The following MET variants were observed in gnomAD, a reference collection of about 807,000 sequenced individuals.
MET encodes the protein MET proto-oncogene, receptor tyrosine kinase.
In MET, 48 loss-of-function variants were observed where a neutral mutation model predicts 133.1. The ratio of observed to expected loss-of-function variants is 0.36; its 90% confidence interval spans 0.29 to 0.46. The LOEUF is 0.46. Ranked by LOEUF, MET falls within the 20% of genes least tolerant of loss-of-function variation. The pLI, the probability that MET is intolerant of heterozygous loss-of-function variation, is 1.00. For missense variants in MET, 1,442 were observed against 1,695.9 expected (o/e 0.85, Z 2.63); for synonymous variants, 628 against 616.5 (o/e 1.02, Z -0.28).
chr7:116,774,419 G>A (rs1288736024), intron 14 of MET, among the ~76,000 whole-genome samples: 3 of 152,208 alleles, frequency 2.0e-5, no homozygotes, highest in Non-Finnish European at 4.4e-5. Context: ...CTAATCATAT[G>A]TGTATTTTTC....
intron 2 of MET, among the ~76,000 whole-genome samples, chr7:116,716,467 GAGAAAGAAAGAAAGAAAGAAAGAA>G (rs531059164): frequency 0.016 from 1,703 of 108,256 alleles, 17 homozygotes; most frequent in African/African-American, 0.018. Context: ...AAGAAAGAAA[GAGAAAGAAAGAAAGAAAGAAAGAA>G]AGAAAGAAAG....
chr7:116,779,937 A>G (rs942002767), intron 17 of MET, among the ~76,000 whole-genome samples: 11 of 152,166 alleles, frequency 7.2e-5, no homozygotes, highest in African/African-American at 2.7e-4. Context: ...ATAAACAAAT[A>G]AACAATAGCT....
intron 1 of MET, among the ~76,000 whole-genome samples, chr7:116,678,846 T>G (rs1796250404): frequency 6.6e-6 from 1 of 152,170 alleles, no homozygotes; most frequent in African/African-American, 2.4e-5. Flanking sequence ...ACTCACAAAC[T>G]GTATGTCCCT....
rs2117114419 is a variant in MET at position 116,796,130 on chromosome 7, G to A, written c.*6G>A. ...CCTTCTGGGAGACATCATAGTGCTA[G>A]TACTATGTCAAAGCAACAGTCCACA... On this transcript the variant is annotated 3_prime_UTR_variant, in exon 21 of 21. Transcript: ENST00000397752. 2 of 1,612,160 alleles carry A rather than the reference G, an allele frequency of 1.2e-6. No homozygotes were observed. The highest frequency in any genetic ancestry group is 2.2e-5 in the South Asian group (2 of 91,056).
intron 6 of MET, among the ~76,000 whole-genome samples, chr7:116,756,735 GACAT>G (rs1250227693): frequency 1.3e-5 from 2 of 152,242 alleles, no homozygotes; most frequent in East Asian, 3.9e-4. Context: ...TGTACCTGTT[GACAT>G]ACTTTAATGA....
Position 116,731,885 on chromosome 7 carries a change from G to A in MET, c.1392+26G>A, listed in dbSNP as rs1455089355. On this transcript the variant is annotated intron_variant, in intron 3 of 20. Coordinates refer to ENST00000397752, the MANE Select transcript of MET (RefSeq NM_000245.4). The stretch of plus-strand genomic sequence containing the variant: ...GTAAGTGCTTTCTGAGAGTAGCTGT[G>A]TCTGTTCTATCTGGTATTGTGCAAT... 4 of 1,609,206 alleles carry A rather than the reference G, an allele frequency of 2.5e-6. No individual in the cohort carries two copies. In the East Asian group the frequency reaches 8.9e-5, roughly 36 times the overall value.
At chr7:116,723,768 G>C (rs1218108482) in intron 2 of MET, among the ~76,000 whole-genome samples, 2 of 151,310 alleles carry the variant, frequency 1.3e-5, no homozygotes, top group Admixed American at 1.3e-4. Flanking sequence ...TGCCCCTGCT[G>C]GGGGGTGCCT....
In MET at chr7:116,742,186, G is replaced by A. The variant is rs150904793; in HGVS notation, c.1701+1161G>A. Reference sequence around the variant, plus strand: ...AACAAGAACCACCCCCAAGTGCATGGCTGTTTTCATTTAGTTACGGTTTGG... The same window carrying A: ...AACAAGAACCACCCCCAAGTGCATGACTGTTTTCATTTAGTTACGGTTTGG... On this transcript the variant is annotated intron_variant, in intron 5 of 20. Coordinates refer to ENST00000397752, the MANE Select transcript of MET (RefSeq NM_000245.4). Among the ~76,000 whole-genome samples, 230 of 152,258 alleles carry A rather than the reference G, an allele frequency of 1.5e-3. 2 individuals carry two copies. The highest frequency in any genetic ancestry group is 5.3e-3 in the African/African-American group (219 of 41,544).
At chr7:116,758,909 G>C (rs1477416653) in intron 9 of MET, among the ~76,000 whole-genome samples, 1 of 152,150 alleles carries the variant, frequency 6.6e-6, no homozygotes, top group African/African-American at 2.4e-5. Flanking sequence ...CTTACATTAT[G>C]TACATATCAA....
intron 5 of MET, among the ~76,000 whole-genome samples, chr7:116,749,362 C>G (rs183010787): frequency 2.6e-5 from 4 of 152,128 alleles, no homozygotes; most frequent in African/African-American, 7.2e-5. Flanking sequence ...AAAAACCACA[C>G]GATTATTGCA....
At chr7:116,776,530 A>G (rs1379146765) in intron 15 of MET, among the ~76,000 whole-genome samples, 1 of 152,214 alleles carries the variant, frequency 6.6e-6, no homozygotes, top group African/African-American at 2.4e-5. Flanking sequence ...CTCTATAAAT[A>G]TTAGCTACTA....
intron 2 of MET, among the ~76,000 whole-genome samples, chr7:116,717,583 T>A (rs1208436687): frequency 6.6e-6 from 1 of 152,218 alleles, no homozygotes; most frequent in Non-Finnish European, 1.5e-5. Flanking sequence ...TGATTATGAA[T>A]AAAGTATATA....
chr7:116,727,226 A>G (rs538293176), intron 2 of MET, among the ~76,000 whole-genome samples: 2 of 152,148 alleles, frequency 1.3e-5, no homozygotes, highest in Non-Finnish European at 2.9e-5. Context: ...TAATTGTGCA[A>G]TCCTCAGAAC....
chr7:116,734,929 C>G (rs1176425508), intron 3 of MET, among the ~76,000 whole-genome samples: 20 of 152,168 alleles, frequency 1.3e-4, no homozygotes, highest in Admixed American at 1.3e-3. Flanking sequence ...CAGAACAATG[C>G]TTCCTTGATT....
At chr7:116,722,977 A>G (rs1434433577) in intron 2 of MET, among the ~76,000 whole-genome samples, 5 of 147,762 alleles carry the variant, frequency 3.4e-5, no homozygotes, top group African/African-American at 7.5e-5. Flanking sequence ...TGCTCTTCTC[A>G]AGGAGTATCT....
intron 3 of MET, among the ~76,000 whole-genome samples, chr7:116,733,505 T>A (rs532637960): frequency 6.6e-6 from 1 of 152,338 alleles, no homozygotes; most frequent in African/African-American, 2.4e-5. Context: ...TTTAAATATG[T>A]TGCTTTATTA....
At chr7:116,729,762 C>G (rs1175526362) in intron 2 of MET, among the ~76,000 whole-genome samples, 1 of 152,176 alleles carries the variant, frequency 6.6e-6, no homozygotes, top group African/African-American at 2.4e-5. Flanking sequence ...CCATTTGTCC[C>G]TTATAAACTC....
chr7:116,796,927 T>A lies in MET; in HGVS notation c.*803T>A, dbSNP rs1001801655. ...AGCCACTGCGCCCAGCCCTTATAAATTTTTGTATAGACATTCCTTTGGTTG... is the reference window on the plus strand; with the variant it reads ...AGCCACTGCGCCCAGCCCTTATAAAATTTTGTATAGACATTCCTTTGGTTG... On this transcript the variant is annotated 3_prime_UTR_variant, in exon 21 of 21. Transcript: ENST00000397752. The A allele has an allele frequency of 5.6e-5, 10 of 178,248 alleles. No homozygotes were observed. The highest frequency in any genetic ancestry group is 9.7e-5 in the Non-Finnish European group (8 of 82,778). 11.0% of individuals were successfully genotyped at this position (178,248 alleles called of 1,614,324 possible).
At chr7:116,787,142 G>A (rs1249846868) in intron 19 of MET, among the ~76,000 whole-genome samples, 1 of 152,152 alleles carries the variant, frequency 6.6e-6, no homozygotes, top group Non-Finnish European at 1.5e-5. Flanking sequence ...AGAGCTTAAT[G>A]CCTGGGATTT....
Sources: allele counts gnomAD v4.1 joint callset (sites outside exome capture counted in the v4.1 genomes callset), GRCh38; gene constraint gnomAD v4.1.1; transcripts MANE v1.5; gene names NCBI Gene and HGNC (gene_info 2026-07-23, HGNC 2026-07-21).